Variants in CLIP1 observed in about 807,000 individuals in gnomAD.
CLIP1 encodes the protein CAP-Gly domain containing linker protein 1.
A neutral mutation model predicts 161.6 loss-of-function variants in CLIP1; 66 were observed. That is an observed-to-expected ratio of 0.41 (90% CI 0.33 to 0.50). The LOEUF (loss-of-function observed/expected upper bound fraction) is 0.50, where lower values mean the gene tolerates loss of function less well. Ranked by LOEUF, CLIP1 falls within the 20% of genes least tolerant of loss-of-function variation. CLIP1 has a pLI of 0.27. For synonymous variants in CLIP1, 598 were observed against 626.2 expected (o/e 0.96, Z 0.67); for missense variants, 1,376 against 1,702.0 (o/e 0.81, Z 3.37).
At chr12:122,359,016 C>T (rs1362293344) in intron 5 of CLIP1, among the ~76,000 whole-genome samples, 1 of 152,084 alleles carries the variant, frequency 6.6e-6, no homozygotes, top group Admixed American at 6.5e-5. Flanking sequence ...GCGCTGAGAT[C>T]GTGCCACTGC....
At chr12:122,344,844 G>A (rs1192740885) in intron 10 of CLIP1, among the ~76,000 whole-genome samples, 1 of 152,174 alleles carries the variant, frequency 6.6e-6, no homozygotes, top group Non-Finnish European at 1.5e-5. Context: ...TAGGTGATAT[G>A]AAACTTACAT....
chr12:122,283,212 A>C (rs1955715547), intron 21 of CLIP1, among the ~76,000 whole-genome samples: 1 of 152,136 alleles, frequency 6.6e-6, no homozygotes, highest in Non-Finnish European at 1.5e-5. Flanking sequence ...AGTTCTGGCA[A>C]TTAGAGCAAT....
At chr12:122,357,508 G>A (rs1409872560) in intron 5 of CLIP1, among the ~76,000 whole-genome samples, 3 of 192 alleles carry the variant, frequency 0.016, no homozygotes, top group Non-Finnish European at 0.038. Flanking sequence ...GAGGGAGGTG[G>A]GGGGGGTCAG....
chr12:122,284,168 A>G (rs1391462784), intron 21 of CLIP1, among the ~76,000 whole-genome samples: 6 of 152,156 alleles, frequency 3.9e-5, no homozygotes, highest in Non-Finnish European at 7.3e-5. Flanking sequence ...CAAACAAACA[A>G]AAAACACTTC....
rs141583405 is a variant in CLIP1 at position 122,284,455 on chromosome 12, C to T, written c.3647+4034G>A. Among the ~76,000 whole-genome samples, 1,493 of 151,906 alleles carry T rather than the reference C, an allele frequency of 9.8e-3. 31 individuals are homozygous for T. Among genetic ancestry groups the T allele is most frequent in the South Asian group, 0.065 (311 of 4,804 alleles). On this transcript the variant is annotated intron_variant, in intron 21 of 25. Coordinates refer to ENST00000620786, the MANE Select transcript of CLIP1 (RefSeq NM_001247997.2). Reference sequence around the variant, plus strand: ...GCAACCTCTGCATCCCGGGTTGAAGCGATTCTCCTGCCTCAGCCTCCTGAG... The same window carrying T: ...GCAACCTCTGCATCCCGGGTTGAAGTGATTCTCCTGCCTCAGCCTCCTGAG...
At chr12:122,316,914 G>T in intron 18 of CLIP1, 59 bp from the exon 19 acceptor site, 2 of 991,920 alleles carry the variant, frequency 2.0e-6, no homozygotes, top group South Asian at 3.5e-5. Context: ...TGACATGAAT[G>T]AACAAATTAT....
chr12:122,370,677 C>T (rs1432407224), intron 3 of CLIP1, among the ~76,000 whole-genome samples: 1 of 152,094 alleles, frequency 6.6e-6, no homozygotes, highest in Non-Finnish European at 1.5e-5. Flanking sequence ...AAAAGATGCA[C>T]AATTATGAAT....
Position 122,271,767 on chromosome 12 carries a change from A to AT in CLIP1, c.*1107dup, listed in dbSNP as rs1339467873. On this transcript the variant is annotated 3_prime_UTR_variant, in exon 26 of 26. Coordinates refer to ENST00000620786, the MANE Select transcript of CLIP1 (RefSeq NM_001247997.2). Reference sequence around the variant, plus strand: ...CTGTTCAGGTGCTTTGAGGTCCTTCATTTTCTTTTTTGTGATAAGAAAATC... The same window carrying AT: ...CTGTTCAGGTGCTTTGAGGTCCTTCATTTTTCTTTTTTGTGATAAGAAAATC... 2 of 152,646 alleles carry AT rather than the reference A, an allele frequency of 1.3e-5. No individual in the cohort carries two copies. Among genetic ancestry groups the AT allele is most frequent in the African/African-American group, 4.8e-5 (2 of 41,458 alleles). The allele number at this position is 152,646 out of a possible 1,614,324, so 9.5% of individuals were successfully genotyped here.
At chr12:122,393,912 C>CAAAAAAAAAAAAAAAAAAAAAAAAAAA (rs71082981) in intron 1 of CLIP1, among the ~76,000 whole-genome samples, 2 of 63,196 alleles carry the variant, frequency 3.2e-5, no homozygotes, top group African/African-American at 9.2e-5. Flanking sequence ...ATTCTGTCTC[C>CAAAAAAAAAAAAAAAAAAAAAAAAAAA]AAAAAAAAAA....
At chr12:122,330,528 A>G (rs1951898523) in intron 15 of CLIP1, among the ~76,000 whole-genome samples, 1 of 151,964 alleles carries the variant, frequency 6.6e-6, no homozygotes, top group Admixed American at 6.6e-5. Flanking sequence ...AAGCAACAAG[A>G]ATTCCAGAAT....
intron 1 of CLIP1, among the ~76,000 whole-genome samples, chr12:122,387,549 TATATATATATATATATATA>T (rs1955338093): frequency 7.1e-5 from 1 of 14,096 alleles, no homozygotes; most frequent in Non-Finnish European, 2.0e-4. Flanking sequence ...TGCCTTTTCA[TATATATATATATATATATA>T]TATATATATA....
chr12:122,328,512 G>C (rs1454651173), intron 15 of CLIP1, 86 bp from the exon 16 acceptor site: 13 of 729,436 alleles, frequency 1.8e-5, no homozygotes, highest in Middle Eastern at 4.4e-4. Flanking sequence ...ATTAATAATT[G>C]TAATTATTTT....
chr12:122,351,627 ACT>A (rs967187595), intron 8 of CLIP1, among the ~76,000 whole-genome samples: 21 of 152,320 alleles, frequency 1.4e-4, no homozygotes, highest in African/African-American at 5.1e-4. Context: ...CAGCCAGCAG[ACT>A]CTAAAATTGT....
intron 1 of CLIP1, among the ~76,000 whole-genome samples, chr12:122,418,690 G>A (rs1638792091): frequency 1.3e-5 from 2 of 152,158 alleles, no homozygotes; most frequent in Non-Finnish European, 2.9e-5. Flanking sequence ...GCCCAGGAGG[G>A]AGTTCAAGGC....
At chr12:122,365,336 A>C in intron 3 of CLIP1, 1 of 945,798 alleles carries the variant, frequency 1.1e-6, no homozygotes, top group Non-Finnish European at 1.7e-6. Context: ...ACCATGGCAA[A>C]AGTGGAAGTC....
chr12:122,389,974 G>T (rs2136952665), intron 1 of CLIP1, among the ~76,000 whole-genome samples: 1 of 149,066 alleles, frequency 6.7e-6, no homozygotes, highest in East Asian at 2.0e-4. Flanking sequence ...ATTTAAAAGT[G>T]TGTGGCACTT....
At chr12:122,327,051 C>T (rs1487659878) in intron 17 of CLIP1, among the ~76,000 whole-genome samples, 2 of 152,134 alleles carry the variant, frequency 1.3e-5, no homozygotes, top group Non-Finnish European at 2.9e-5. Flanking sequence ...CTCCTATAAA[C>T]ACATTAAAAA....
At chr12:122,420,793 G>A (rs1206401779) in intron 1 of CLIP1, among the ~76,000 whole-genome samples, 2 of 151,774 alleles carry the variant, frequency 1.3e-5, no homozygotes, top group South Asian at 2.1e-4. Context: ...AAAATTAGCC[G>A]GGCGTGGTGG....
intron 3 of CLIP1, among the ~76,000 whole-genome samples, chr12:122,369,042 G>A (rs1392863223): frequency 2.6e-5 from 4 of 151,176 alleles, no homozygotes; most frequent in Non-Finnish European, 4.4e-5. Flanking sequence ...TTTTTGAGAC[G>A]GAGTTTCGCT....
Sources: allele counts gnomAD v4.1 joint callset (sites outside exome capture counted in the v4.1 genomes callset), GRCh38; gene constraint gnomAD v4.1.1; transcripts MANE v1.5; gene names NCBI Gene and HGNC (gene_info 2026-07-23, HGNC 2026-07-21).